Variants in FRMD4A observed in about 807,000 individuals in gnomAD.
The protein encoded by FRMD4A is FERM domain containing 4A, also known as FERM domain-containing protein 4A.
In FRMD4A, 29 loss-of-function variants were observed where a neutral mutation model predicts 129.1. That is an observed-to-expected ratio of 0.22 (90% CI 0.17 to 0.31). FRMD4A has a LOEUF of 0.31. FRMD4A is among the 10% of genes least tolerant of loss of function. The pLI is 1.00. For synonymous variants in FRMD4A, 634 were observed against 571.6 expected (o/e 1.11, Z -1.56); for missense variants, 1,272 against 1,375.8 (o/e 0.92, Z 1.19).
intron 2 of FRMD4A, among the ~76,000 whole-genome samples, chr10:14,047,113 C>T (rs966416637): frequency 3.3e-5 from 5 of 152,090 alleles, no homozygotes; most frequent in African/African-American, 1.2e-4. Context: ...GACTCTTGTG[C>T]CACGATGGCA....
intron 2 of FRMD4A, among the ~76,000 whole-genome samples, chr10:13,861,037 G>T (rs1386158865): frequency 2.0e-5 from 3 of 152,198 alleles, no homozygotes; most frequent in Non-Finnish European, 4.4e-5. Context: ...GAGAATGAGC[G>T]TCTCTGCAAA....
chr10:13,948,494 G>GATAAATGGA (rs1302850033), intron 2 of FRMD4A, among the ~76,000 whole-genome samples: 1 of 152,062 alleles, frequency 6.6e-6, no homozygotes. Context: ...TACAATGATG[G>GATAAATGGA]ATAAACGGAA....
chr10:13,845,660 G>A (rs2094034549), intron 3 of FRMD4A, among the ~76,000 whole-genome samples: 1 of 152,148 alleles, frequency 6.6e-6, no homozygotes, highest in Admixed American at 6.5e-5. Flanking sequence ...TGCCCATGTT[G>A]TGCCAGACAG....
At chr10:13,903,897 T>C (rs2094850201) in intron 2 of FRMD4A, among the ~76,000 whole-genome samples, 3 of 151,998 alleles carry the variant, frequency 2.0e-5, no homozygotes, top group Admixed American at 6.6e-5. Context: ...AAAAAAATTG[T>C]CTGATGAGTG....
intron 2 of FRMD4A, among the ~76,000 whole-genome samples, chr10:14,328,793 T>C (rs1181622128): frequency 6.6e-6 from 1 of 152,072 alleles, no homozygotes; most frequent in Non-Finnish European, 1.5e-5. Context: ...AAAATTCCTA[T>C]CCAGTTTATT....
intron 6 of FRMD4A, among the ~76,000 whole-genome samples, chr10:13,774,910 T>TA (rs952189129): frequency 2.1e-5 from 3 of 142,806 alleles, no homozygotes; most frequent in Admixed American, 6.9e-5. Flanking sequence ...AGCATAATAT[T>TA]AAAAAATCAG....
intron 2 of FRMD4A, among the ~76,000 whole-genome samples, chr10:14,275,382 T>A (rs1459797115): frequency 6.6e-6 from 1 of 152,188 alleles, no homozygotes; most frequent in African/African-American, 2.4e-5. Context: ...GCAAAACACA[T>A]CGGGGTGAGT....
intron 15 of FRMD4A, among the ~76,000 whole-genome samples, chr10:13,679,472 T>TACACAC (rs1169130994): frequency 7.5e-4 from 16 of 21,394 alleles, no homozygotes; most frequent in African/African-American, 1.5e-3. Flanking sequence ...TATATATATA[T>TACACAC]ATACACACAC....
intron 2 of FRMD4A, among the ~76,000 whole-genome samples, chr10:14,093,997 A>T (rs1836801260): frequency 6.6e-6 from 1 of 152,246 alleles, no homozygotes; most frequent in African/African-American, 2.4e-5. Context: ...TTGTCAAATG[A>T]TAATGGAGCA....
intron 2 of FRMD4A, among the ~76,000 whole-genome samples, chr10:13,872,070 A>T (rs1192437790): frequency 6.6e-6 from 1 of 152,244 alleles, no homozygotes; most frequent in Non-Finnish European, 1.5e-5. Flanking sequence ...TGTGATGAGG[A>T]ACGCTGCACA....
At chr10:13,718,680 G>A (rs1052868494) in intron 12 of FRMD4A, among the ~76,000 whole-genome samples, 5 of 152,244 alleles carry the variant, frequency 3.3e-5, no homozygotes, top group African/African-American at 1.2e-4. Context: ...GTGGGGAAGA[G>A]GAGGGGCGGA....
chr10:13,920,523 C>T (rs1315875115), intron 2 of FRMD4A, among the ~76,000 whole-genome samples: 3 of 152,232 alleles, frequency 2.0e-5, no homozygotes, highest in Non-Finnish European at 4.4e-5. Flanking sequence ...TACAATACAA[C>T]CTTTGGTTGC....
At chr10:13,955,108 T>C (rs1488976947) in intron 2 of FRMD4A, among the ~76,000 whole-genome samples, 2 of 106,826 alleles carry the variant, frequency 1.9e-5, no homozygotes, top group Non-Finnish European at 3.6e-5. Context: ...TGTTAATAAT[T>C]CTGCTTTTTT....
intron 12 of FRMD4A, among the ~76,000 whole-genome samples, chr10:13,725,580 G>A (rs1042907763): frequency 2.6e-5 from 4 of 151,966 alleles, no homozygotes; most frequent in African/African-American, 9.7e-5. Flanking sequence ...TTCCTCAAAG[G>A]TGACAGTCTG....
intron 13 of FRMD4A, among the ~76,000 whole-genome samples, chr10:13,703,400 T>G (rs1182741994): frequency 6.6e-6 from 1 of 152,172 alleles, no homozygotes. Context: ...TGAGTTAGGA[T>G]GCCCAGGGGG....
At chr10:13,953,213 C>G (rs1026754026) in intron 2 of FRMD4A, among the ~76,000 whole-genome samples, 3 of 152,170 alleles carry the variant, frequency 2.0e-5, no homozygotes, top group African/African-American at 7.2e-5. Flanking sequence ...ACTCAGGTTG[C>G]TTTGCAGGAA....
In FRMD4A at chr10:13,646,513, C is replaced by T. The variant is rs1203031974; in HGVS notation, c.*525G>A. 1.3e-5 allele frequency: 2 copies of T among 152,238 alleles called. No individual in the cohort carries two copies. Among genetic ancestry groups the T allele is most frequent in the Non-Finnish European group, 2.9e-5 (2 of 68,076 alleles). 9.4% of individuals were successfully genotyped at this position (152,238 alleles called of 1,614,324 possible). ...CCTCTTCATGAAGTGCTTGGTTGGCCTACGTATGGGTGGCAGGCTGGACAC... is the reference window on the plus strand; with the variant it reads ...CCTCTTCATGAAGTGCTTGGTTGGCTTACGTATGGGTGGCAGGCTGGACAC... On this transcript the variant is annotated 3_prime_UTR_variant, in exon 25 of 25. Coordinates refer to ENST00000357447, the MANE Select transcript of FRMD4A (RefSeq NM_018027.5).
chr10:13,745,101 C>T (rs977478248), intron 9 of FRMD4A, among the ~76,000 whole-genome samples: 1 of 152,114 alleles, frequency 6.6e-6, no homozygotes, highest in Admixed American at 6.5e-5. Context: ...GATAAATGTT[C>T]GAGGTGATGG....
At chr10:13,697,504 G>A (rs992098321) in intron 14 of FRMD4A, among the ~76,000 whole-genome samples, 2 of 152,168 alleles carry the variant, frequency 1.3e-5, no homozygotes, top group African/African-American at 4.8e-5. Context: ...GGTGGGGAGA[G>A]GACCGGGAGG....
Sources: allele counts gnomAD v4.1 joint callset (sites outside exome capture counted in the v4.1 genomes callset), GRCh38; gene constraint gnomAD v4.1.1; transcripts MANE v1.5; gene names NCBI Gene and HGNC (gene_info 2026-07-23, HGNC 2026-07-21).